The following COL22A1 variants were observed in gnomAD, a reference collection of about 807,000 sequenced individuals.
COL22A1 encodes the protein collagen alpha-1(XXII) chain.
Under a neutral mutation model 248.9 loss-of-function variants are expected in COL22A1, and 221 were observed. That is an observed-to-expected ratio of 0.89 (90% confidence interval 0.80 to 0.99). The LOEUF (loss-of-function observed/expected upper bound fraction) is 0.99. Among genes scored for constraint, COL22A1 ranks in the 50% least tolerant of loss-of-function variants. COL22A1 has a pLI of 0.00. For missense variants in COL22A1, 2,240 were observed against 2,179.0 expected, an observed-to-expected ratio of 1.03 and a Z score of -0.56; for synonymous variants, 891 against 793.4, an observed-to-expected ratio of 1.12 and a Z score of -2.07.
chr8:138,801,365 G>A (rs1050735392), intron 11 of COL22A1, among the ~76,000 whole-genome samples: 4 of 152,168 alleles, frequency 2.6e-5, no homozygotes, highest in African/African-American at 4.8e-5. Flanking sequence ...TAGGATGCAC[G>A]TGCCAAGAGT....
In COL22A1 at chr8:138,725,420, A is replaced by G; in HGVS notation, c.2160T>C (p.Gly720=). Residue 720 remains glycine (G), a synonymous_variant, in exon 24 of 65, where the codon GGT becomes GGC. Transcript: ENST00000303045. ...LGLQGPPGPP[G]VPGPPGPGGS... ...CTCCCGGTCCAGGGGGGCCTGGGAC[A>G]CCAGGGGGTCCTGGAGGGCCCTGTA... is the stretch of plus-strand genomic sequence containing the variant. The G allele has an allele frequency of 1.2e-6, 2 of 1,614,022 alleles. No individual in the cohort carries two copies.
intron 12 of COL22A1, among the ~76,000 whole-genome samples, chr8:138,783,719 T>A (rs1354335695): frequency 6.6e-6 from 1 of 152,202 alleles, no homozygotes; most frequent in Non-Finnish European, 1.5e-5. Context: ...GTTTTAAGTA[T>A]TAAAATCCTC....
At chr8:138,636,870 TCATTCATC>T (rs1362409445) in intron 47 of COL22A1, 75 bp from the exon 48 acceptor site, 5 of 1,192,302 alleles carry the variant, frequency 4.2e-6, no homozygotes, top group Middle Eastern at 1.9e-4. Context: ...TTTCATGCAT[TCATTCATC>T]CATTCATTAA....
chr8:138,855,291 C>G (rs972797916), intron 3 of COL22A1, among the ~76,000 whole-genome samples: 1 of 152,174 alleles, frequency 6.6e-6, no homozygotes, highest in African/African-American at 2.4e-5. Context: ...ATTCTCATGG[C>G]TATTGTTTGT....
At chr8:138,877,640 G>T in intron 3 of COL22A1, 110 bp downstream of exon 3, 3 of 1,161,646 alleles carry the variant, frequency 2.6e-6, no homozygotes, top group Non-Finnish European at 3.6e-6. Flanking sequence ...TACTTCCCCC[G>T]CCTTCCTGGA....
At chr8:138,722,194 G>T in intron 25 of COL22A1, 105 bp from the exon 26 acceptor site, 2 of 917,386 alleles carry the variant, frequency 2.2e-6, no homozygotes, top group Non-Finnish European at 3.3e-6. Flanking sequence ...CAGAATGCAG[G>T]AGGCTCGGGC....
In COL22A1 at chr8:138,821,340, G is replaced by A; in HGVS notation, c.1041C>T (p.Val347=). ...CCCGAGAACCTCGGAAGACCACCCT[G>A]ACAGCATCTTTCATGGCACCCACAG... is the stretch of plus-strand genomic sequence containing the variant. ...YNAVGAMKDA[V]RVVFRGSRVN... Residue 347 remains valine (V), a synonymous_variant, in exon 7 of 65, where the codon GTC becomes GTT. Transcript: ENST00000303045. The A allele has an allele frequency of 1.2e-6, 2 of 1,614,168 alleles. No individual in the cohort carries two copies. Among genetic ancestry groups the A allele is most frequent in the South Asian group, 2.2e-5 (2 of 91,070 alleles).
chr8:138,783,912 G>A (rs1369079136), intron 12 of COL22A1, among the ~76,000 whole-genome samples: 4 of 152,288 alleles, frequency 2.6e-5, no homozygotes, highest in Admixed American at 2.6e-4. Flanking sequence ...CCCTTTTCAA[G>A]GGCATGGAAG....
intron 3 of COL22A1, among the ~76,000 whole-genome samples, chr8:138,867,407 C>A (rs542708199): frequency 1.3e-5 from 2 of 152,286 alleles, no homozygotes; most frequent in East Asian, 3.9e-4. Context: ...TGATTTGTGG[C>A]ATGTTCTTTT....
intron 15 of COL22A1, chr8:138,778,134 T>TCC (rs1177567718): frequency 1.6e-6 from 1 of 620,494 alleles, no homozygotes; most frequent in Non-Finnish European, 2.9e-6. Flanking sequence ...GAGAAAGGGG[T>TCC]CCCAGGAATA....
chr8:138,891,390 A>C (rs990932545), intron 1 of COL22A1, among the ~76,000 whole-genome samples: 5 of 152,196 alleles, frequency 3.3e-5, no homozygotes, highest in African/African-American at 1.2e-4. Flanking sequence ...CACCCTAGTA[A>C]TGACAGCTGG....
At chr8:138,760,107 C>G in intron 18 of COL22A1, 136 bp downstream of exon 18, 2 of 524,080 alleles carry the variant, frequency 3.8e-6, no homozygotes, top group Admixed American at 8.6e-5. Context: ...GATGCCCCAG[C>G]CACCACCCTT....
intron 45 of COL22A1, among the ~76,000 whole-genome samples, chr8:138,655,003 G>A (rs1269723932): frequency 5.9e-5 from 9 of 152,128 alleles, no homozygotes; most frequent in South Asian, 2.1e-4. Context: ...TGACTCTGCC[G>A]CTGGCCCTCC....
chr8:138,844,666 C>A (rs1331981278), intron 3 of COL22A1, among the ~76,000 whole-genome samples: 1 of 152,176 alleles, frequency 6.6e-6, no homozygotes, highest in African/African-American at 2.4e-5. Context: ...AAAGCATGCA[C>A]ATGTCCGGGC....
At chr8:138,824,135 A>G (rs773522496) in intron 6 of COL22A1, among the ~76,000 whole-genome samples, 4 of 152,206 alleles carry the variant, frequency 2.6e-5, no homozygotes, top group Non-Finnish European at 4.4e-5. Flanking sequence ...AATACTTCTA[A>G]TACATATAAA....
intron 41 of COL22A1, among the ~76,000 whole-genome samples, chr8:138,668,031 T>C (rs1824665383): frequency 6.6e-6 from 1 of 151,476 alleles, no homozygotes; most frequent in Non-Finnish European, 1.5e-5. Context: ...ATCCAACCAA[T>C]CGCTATATGT....
intron 4 of COL22A1, among the ~76,000 whole-genome samples, chr8:138,833,418 C>T (rs936149241): frequency 1.3e-5 from 2 of 152,168 alleles, no homozygotes; most frequent in Non-Finnish European, 2.9e-5. Context: ...TGTGGTTAAG[C>T]GTGAGACAAA....
chr8:138,911,292 C>A (rs1815435907), intron 1 of COL22A1, among the ~76,000 whole-genome samples: 1 of 152,234 alleles, frequency 6.6e-6, no homozygotes, highest in Non-Finnish European at 1.5e-5. Context: ...CAGGGCAGCC[C>A]TCCAAATGGC....
chr8:138,742,623 T>TGG (rs1831707223), intron 22 of COL22A1, among the ~76,000 whole-genome samples: 1 of 151,986 alleles, frequency 6.6e-6, no homozygotes, highest in East Asian at 1.9e-4. Flanking sequence ...AGGGTGATGG[T>TGG]GGTAGTGATT....
Sources: allele counts gnomAD v4.1 joint callset (sites outside exome capture counted in the v4.1 genomes callset), GRCh38; gene constraint gnomAD v4.1.1; transcripts MANE v1.5; gene names NCBI Gene and HGNC (gene_info 2026-07-23, HGNC 2026-07-21).